Variants in NDUFAF2 observed in about 807,000 individuals in gnomAD.
NDUFAF2 encodes the protein NADH dehydrogenase [ubiquinone] 1 alpha subcomplex assembly factor 2.
NDUFAF2 carries 13 observed loss-of-function variants against 22.8 expected under a neutral mutation model. The ratio of observed to expected loss-of-function variants is 0.57; its 90% CI spans 0.37 to 0.91. NDUFAF2 has a LOEUF of 0.91. Ranked by LOEUF, NDUFAF2 falls within the 40% of genes least tolerant of loss-of-function variation. NDUFAF2 has a pLI of 0.01. For synonymous variants in NDUFAF2, 53 were observed against 64.2 expected (o/e 0.83, Z 0.84); for missense variants, 162 against 195.2 (o/e 0.83, Z 1.01).
chr5:60,953,537 A>T (rs962883513), intron 1 of NDUFAF2, among the ~76,000 whole-genome samples: 1 of 152,150 alleles, frequency 6.6e-6, no homozygotes, highest in African/African-American at 2.4e-5. Flanking sequence ...TATATGCTTC[A>T]GTAGCCTCCT....
intron 1 of NDUFAF2, among the ~76,000 whole-genome samples, chr5:61,017,906 C>T (rs771976565): frequency 2.6e-5 from 4 of 152,114 alleles, no homozygotes; most frequent in Non-Finnish European, 5.9e-5. Flanking sequence ...TGCGTCACCA[C>T]ACCCAGCTAA....
At chr5:61,126,096 T>C (rs181740498) in intron 3 of NDUFAF2, among the ~76,000 whole-genome samples, 209 of 152,206 alleles carry the variant, frequency 1.4e-3, no homozygotes, top group Non-Finnish European at 2.4e-3. Context: ...ACTTGATTTC[T>C]TTTTTATTTA....
intron 1 of NDUFAF2, among the ~76,000 whole-genome samples, chr5:61,060,227 T>C (rs1295781131): frequency 6.6e-6 from 1 of 152,162 alleles, no homozygotes; most frequent in African/African-American, 2.4e-5. Flanking sequence ...TGAGTAACTT[T>C]AGTCAAATTA....
intron 1 of NDUFAF2, among the ~76,000 whole-genome samples, chr5:61,064,527 A>G (rs376002544): frequency 6.6e-6 from 1 of 152,132 alleles, no homozygotes; most frequent in Non-Finnish European, 1.5e-5. Context: ...CCATATATCT[A>G]GTATTGTTTC....
At position 60,945,413 on chromosome 5, in the gene NDUFAF2, G is replaced by A. The variant is rs1196709544; in HGVS notation, c.127+31G>A. ...GTGGCGGCGTGGGCAGCGATTGCGT[G>A]GTCAGTGATTGCGAGGTCAGTAAAG... On this transcript the variant is annotated intron_variant, in intron 1 of 3. Coordinates refer to ENST00000296597, the MANE Select transcript of NDUFAF2 (RefSeq NM_174889.5). 4 of 1,614,016 alleles carry A rather than the reference G, an allele frequency of 2.5e-6. No homozygotes were observed. The African/African-American group carries it at 5.3e-5, about 22-fold the overall frequency.
intron 1 of NDUFAF2, among the ~76,000 whole-genome samples, chr5:60,976,199 C>CATT (rs1459713728): frequency 2.0e-5 from 3 of 151,812 alleles, no homozygotes; most frequent in Non-Finnish European, 4.4e-5. Flanking sequence ...TTAAAGAACA[C>CATT]ATTACTAGAT....
chr5:61,122,127 G>A (rs770256791), intron 3 of NDUFAF2, among the ~76,000 whole-genome samples: 7 of 152,094 alleles, frequency 4.6e-5, no homozygotes, highest in Admixed American at 6.6e-5. Flanking sequence ...CACTGCGCCC[G>A]GCCTGAAGAC....
chr5:61,017,088 C>A (rs1751521411), intron 1 of NDUFAF2, among the ~76,000 whole-genome samples: 1 of 152,216 alleles, frequency 6.6e-6, no homozygotes, highest in Admixed American at 6.5e-5. Context: ...ATATTCCTTT[C>A]TCTACTTTTC....
intron 2 of NDUFAF2, among the ~76,000 whole-genome samples, chr5:61,087,402 T>C (rs1752516902): frequency 6.6e-6 from 1 of 152,024 alleles, no homozygotes; most frequent in African/African-American, 2.4e-5. Flanking sequence ...ATACATAAAA[T>C]CAGTAGTCAT....
At chr5:60,999,244 A>G (rs62367881) in intron 1 of NDUFAF2, among the ~76,000 whole-genome samples, 2,044 of 152,188 alleles carry the variant, frequency 0.013, 19 homozygotes, top group Middle Eastern at 0.041. Context: ...ATTCAAACAG[A>G]TACTTAAATG....
chr5:60,956,285 T>G (rs1336806569), intron 1 of NDUFAF2, among the ~76,000 whole-genome samples: 1 of 152,126 alleles, frequency 6.6e-6, no homozygotes, highest in African/African-American at 2.4e-5. Flanking sequence ...TCTTTGGGGA[T>G]TTCTATATGT....
intron 1 of NDUFAF2, among the ~76,000 whole-genome samples, chr5:61,070,596 T>TACACACACACAC (rs10651718): frequency 3.4e-4 from 51 of 148,072 alleles, no homozygotes; most frequent in African/African-American, 1.0e-3. Context: ...TGTCTTTGCA[T>TACACACACACAC]ACACACACAC....
At chr5:60,971,130 C>T (rs1254253781) in intron 1 of NDUFAF2, among the ~76,000 whole-genome samples, 1 of 130,416 alleles carries the variant, frequency 7.7e-6, no homozygotes, top group Non-Finnish European at 1.6e-5. Flanking sequence ...ATCACAACCT[C>T]TATTTCTTTT....
At chr5:61,100,067 A>T (rs1752687950) in intron 3 of NDUFAF2, among the ~76,000 whole-genome samples, 1 of 152,046 alleles carries the variant, frequency 6.6e-6, no homozygotes, top group African/African-American at 2.4e-5. Flanking sequence ...GCCTTGGCCT[A>T]CTTTTCGCAG....
chr5:60,967,682 G>A (rs1750775650), intron 1 of NDUFAF2, among the ~76,000 whole-genome samples: 2 of 151,656 alleles, frequency 1.3e-5, no homozygotes, highest in Non-Finnish European at 2.9e-5. Flanking sequence ...TTGCTTTCCA[G>A]GGATAAATCT....
chr5:60,984,283 TAAG>T (rs1751035892), intron 1 of NDUFAF2, among the ~76,000 whole-genome samples: 1 of 151,154 alleles, frequency 6.6e-6, no homozygotes, highest in African/African-American at 2.4e-5. Context: ...CCTATCAGCT[TAAG>T]GAGATTTTGA....
At chr5:60,955,205 A>G (rs1238713483) in intron 1 of NDUFAF2, among the ~76,000 whole-genome samples, 2 of 152,208 alleles carry the variant, frequency 1.3e-5, no homozygotes, top group Non-Finnish European at 2.9e-5. Context: ...TTAAGGACTT[A>G]CATTGAAATC....
chr5:61,140,687 A>G (rs1741039631), intron 3 of NDUFAF2, among the ~76,000 whole-genome samples: 1 of 152,224 alleles, frequency 6.6e-6, no homozygotes. Context: ...TTTCACCATC[A>G]CTTTCAGGGT....
At chr5:61,109,591 C>T (rs1043534110) in intron 3 of NDUFAF2, among the ~76,000 whole-genome samples, 2 of 152,128 alleles carry the variant, frequency 1.3e-5, no homozygotes, top group African/African-American at 2.4e-5. Context: ...GTGTCCCCAC[C>T]CATATCTCAT....
Sources: gnomAD v4.1 joint callset for allele counts (sites outside exome capture counted in the v4.1 genomes callset) on GRCh38, gnomAD v4.1.1 for gene constraint, MANE v1.5 for transcripts, NCBI Gene and HGNC (gene_info 2026-07-23, HGNC 2026-07-21) for gene names.